OSBP2: variants seen among roughly 807,000 people sequenced by gnomAD.
OSBP2 encodes oxysterol binding protein 2.
In OSBP2, 66 loss-of-function variants were observed where a neutral mutation model predicts 96.0. The observed-to-expected ratio is 0.69, with a 90% CI of 0.56 to 0.84. The LOEUF is 0.84. Among genes scored for constraint, OSBP2 ranks in the 40% least tolerant of loss-of-function variants. The probability of loss-of-function intolerance (pLI) is 0.00; values close to 1 mark genes in which losing one functional copy is unlikely to be tolerated. For synonymous variants in OSBP2, 525 were observed against 520.9 expected, an observed-to-expected ratio of 1.01 and a Z score of -0.11; for missense variants, 1,038 against 1,222.7, an observed-to-expected ratio of 0.85 and a Z score of 2.25.
At chr22:30,738,683 T>C (rs1357885848) in intron 1 of OSBP2, among the ~76,000 whole-genome samples, 4 of 151,862 alleles carry the variant, frequency 2.6e-5, no homozygotes, top group Non-Finnish European at 4.4e-5. Context: ...GCCTCAGCCA[T>C]CCGAGTAACT....
chr22:30,694,842 C>G, upstream of OSBP2: 2 of 687,458 alleles, frequency 2.9e-6, no homozygotes, highest in Non-Finnish European at 3.7e-6. Flanking sequence ...GACTGCGCCC[C>G]CGGCCCCGCC....
intron 3 of OSBP2, chr22:30,872,334 C>T (rs1477476350): frequency 4.4e-6 from 2 of 456,660 alleles, no homozygotes; most frequent in Non-Finnish European, 8.8e-6. Context: ...GCTTCCCAGG[C>T]ACTGCCTCCC....
chr22:30,793,928 T>G (rs2090716772), intron 2 of OSBP2, among the ~76,000 whole-genome samples: 1 of 152,214 alleles, frequency 6.6e-6, no homozygotes, highest in African/African-American at 2.4e-5. Flanking sequence ...AAGTGTTCAT[T>G]TATGATGAAT....
intron 2 of OSBP2, among the ~76,000 whole-genome samples, chr22:30,828,041 G>A (rs1411176764): frequency 6.6e-6 from 1 of 152,144 alleles, no homozygotes; most frequent in Non-Finnish European, 1.5e-5. Flanking sequence ...CTCTTGAGGG[G>A]CCTGGCCTGA....
intron 1 of OSBP2, among the ~76,000 whole-genome samples, chr22:30,729,934 A>G (rs2089719264): frequency 6.6e-6 from 1 of 152,002 alleles, no homozygotes; most frequent in Non-Finnish European, 1.5e-5. Context: ...GAAGTGTGAG[A>G]TAATAAATTT....
chr22:30,834,146 C>A (rs1262313281), intron 2 of OSBP2, among the ~76,000 whole-genome samples: 3 of 152,006 alleles, frequency 2.0e-5, no homozygotes, highest in African/African-American at 7.3e-5. Flanking sequence ...AACTTCTAGG[C>A]TCAGGTGATC....
chr22:30,701,589 C>T (rs866256036), intron 1 of OSBP2, among the ~76,000 whole-genome samples: 8 of 151,960 alleles, frequency 5.3e-5, no homozygotes, highest in South Asian at 2.1e-4. Flanking sequence ...GTGATCCGCC[C>T]GCCTCGGCCT....
intron 1 of OSBP2, among the ~76,000 whole-genome samples, chr22:30,699,597 A>G (rs1386206764): frequency 6.6e-6 from 1 of 152,202 alleles, no homozygotes; most frequent in African/African-American, 2.4e-5. Flanking sequence ...TGCTAATCGA[A>G]TGGGAACTGT....
At chr22:30,757,678 A>G (rs765528854) in intron 2 of OSBP2, among the ~76,000 whole-genome samples, 2 of 152,054 alleles carry the variant, frequency 1.3e-5, no homozygotes, top group Non-Finnish European at 2.9e-5. Context: ...TCGGCCTCCC[A>G]AAGTGCTGGG....
chr22:30,739,690 A>C (rs992346186), intron 1 of OSBP2, among the ~76,000 whole-genome samples: 1 of 152,074 alleles, frequency 6.6e-6, no homozygotes, highest in African/African-American at 2.4e-5. Flanking sequence ...CCTGCTGCCT[A>C]GACGGAGGCG....
At chr22:30,737,168 A>G (rs890982654) in intron 1 of OSBP2, among the ~76,000 whole-genome samples, 8 of 151,892 alleles carry the variant, frequency 5.3e-5, no homozygotes, top group African/African-American at 1.9e-4. Context: ...GGCATGCATC[A>G]CCACACCTGG....
At chr22:30,869,425 G>A (rs1479187421) in intron 2 of OSBP2, among the ~76,000 whole-genome samples, 1 of 152,272 alleles carries the variant, frequency 6.6e-6, no homozygotes, top group Non-Finnish European at 1.5e-5. Context: ...CTATCAGTGA[G>A]AATGGCTGTG....
chr22:30,777,892 A>G (rs1417074629), intron 2 of OSBP2, among the ~76,000 whole-genome samples: 1 of 152,110 alleles, frequency 6.6e-6, no homozygotes, highest in Non-Finnish European at 1.5e-5. Context: ...TTTGGAGGAG[A>G]GGGAGGAAGA....
rs185878304 is a variant in OSBP2 at position 30,787,207 on chromosome 22, C to T, written c.853+45838C>T. Among the ~76,000 whole-genome samples the T allele has an allele frequency of 3.9e-5, 6 of 152,272 alleles. No homozygotes were observed. In the East Asian group the frequency reaches 1.2e-3, roughly 29 times the overall value. ...TTATAAAGGAAAGGGGTTTAATAGA[C>T]TCACAGTTGAGTATGGCTGGGGAGG... On this transcript the variant is annotated intron_variant, in intron 2 of 13. Transcript: ENST00000332585.
intron 2 of OSBP2, among the ~76,000 whole-genome samples, chr22:30,750,924 T>TA (rs2090066730): frequency 6.6e-6 from 1 of 152,182 alleles, no homozygotes; most frequent in Admixed American, 6.5e-5. Flanking sequence ...GTATTTTTAA[T>TA]AGAGTCGGGT....
Position 30,694,873 on chromosome 22 carries a change from CA to C in OSBP2, c.-36del. On this transcript the variant is annotated 5_prime_UTR_variant, in exon 1 of 14. Coordinates refer to ENST00000332585, the MANE Select transcript of OSBP2 (RefSeq NM_030758.4). Reference sequence around the variant, plus strand: ...CCGCCCCCGGCCTGCCCCCCGCCCCCACTGGCCGCTCGGCCGCGCGCGGGTC... The same window carrying C: ...CCGCCCCCGGCCTGCCCCCCGCCCCCCTGGCCGCTCGGCCGCGCGCGGGTC... 2 of 1,040,396 alleles carry C rather than the reference CA, an allele frequency of 1.9e-6. No individual in the cohort carries two copies. The highest frequency in any genetic ancestry group is 2.5e-6 in the Non-Finnish European group (2 of 808,626). 64.4% of individuals were successfully genotyped at this position (1,040,396 alleles called of 1,614,324 possible). A position where few individuals can be genotyped will look rare whatever the true frequency, so the allele number is the denominator to read the frequency against.
chr22:30,782,121 C>T (rs1167165905), intron 2 of OSBP2, among the ~76,000 whole-genome samples: 4 of 152,142 alleles, frequency 2.6e-5, no homozygotes, highest in African/African-American at 7.2e-5. Context: ...ACTCCAGCCA[C>T]GGCGGCAGAG....
chr22:30,780,020 G>C (rs2090495092), intron 2 of OSBP2, among the ~76,000 whole-genome samples: 1 of 152,226 alleles, frequency 6.6e-6, no homozygotes, highest in Non-Finnish European at 1.5e-5. Flanking sequence ...ATGTGTGCCA[G>C]ACAGATTCTC....
intron 2 of OSBP2, among the ~76,000 whole-genome samples, chr22:30,755,155 CTA>C (rs1335727378): frequency 6.6e-6 from 1 of 152,180 alleles, no homozygotes; most frequent in Non-Finnish European, 1.5e-5. Flanking sequence ...ATCTATAGAT[CTA>C]TAGCTGTGTA....
Sources: gnomAD v4.1 joint callset for allele counts (sites outside exome capture counted in the v4.1 genomes callset) on GRCh38, gnomAD v4.1.1 for gene constraint, MANE v1.5 for transcripts, NCBI Gene and HGNC (gene_info 2026-07-23, HGNC 2026-07-21) for gene names.